Variants in CHRM5 observed in about 807,000 individuals in gnomAD.
CHRM5 encodes cholinergic receptor muscarinic 5, also known as muscarinic acetylcholine receptor M5.
A neutral mutation model predicts 39.0 loss-of-function variants in CHRM5; 18 were observed. The ratio of observed to expected loss-of-function variants is 0.46; its 90% CI spans 0.32 to 0.68. CHRM5 has a LOEUF of 0.68. CHRM5 is among the 30% of genes least tolerant of loss of function. CHRM5 has a pLI of 0.04. For synonymous variants in CHRM5, 241 were observed against 246.3 expected, an observed-to-expected ratio of 0.98 and a Z score of 0.20; for missense variants, 515 against 651.1, an observed-to-expected ratio of 0.79 and a Z score of 2.28.
intron 1 of CHRM5, among the ~76,000 whole-genome samples, chr15:33,983,876 G>C (rs1180102986): frequency 6.6e-6 from 1 of 151,548 alleles, no homozygotes; most frequent in African/African-American, 2.4e-5. Context: ...CAACAAGAAA[G>C]GTACATCATC....
chr15:33,979,953 G>A (rs954738242), intron 1 of CHRM5, among the ~76,000 whole-genome samples: 11 of 152,190 alleles, frequency 7.2e-5, no homozygotes, highest in African/African-American at 2.7e-4. Context: ...TTCTAGCTAT[G>A]AATTTGTTAA....
intron 1 of CHRM5, among the ~76,000 whole-genome samples, chr15:33,974,468 C>T (rs1895785009): frequency 6.6e-6 from 1 of 152,132 alleles, no homozygotes; most frequent in Non-Finnish European, 1.5e-5. Context: ...AAAGCAGGGA[C>T]AAAGGCTAAA....
chr15:34,027,528 C>CAAAAAAAAA, intron 1 of CHRM5, among the ~76,000 whole-genome samples: 1 of 132,584 alleles, frequency 7.5e-6, no homozygotes, highest in Non-Finnish European at 1.6e-5. Flanking sequence ...GACTCTGTCT[C>CAAAAAAAAA]AAAAAAAAAA....
chr15:34,034,303 T>A (rs1899010459), intron 1 of CHRM5, among the ~76,000 whole-genome samples: 4 of 152,054 alleles, frequency 2.6e-5, no homozygotes, highest in Admixed American at 2.6e-4. Flanking sequence ...TAGTTGGGTA[T>A]GGTGGTTCAC....
intron 1 of CHRM5, among the ~76,000 whole-genome samples, chr15:34,002,519 TGG>T (rs1289671811): frequency 9.2e-6 from 1 of 108,166 alleles, no homozygotes; most frequent in South Asian, 3.0e-4. Flanking sequence ...ACGGAAAGGC[TGG>T]GTTTTTCACT....
chr15:34,015,060 G>GGGAAAAC (rs1413832784), intron 1 of CHRM5, among the ~76,000 whole-genome samples: 59 of 152,244 alleles, frequency 3.9e-4, no homozygotes, highest in African/African-American at 1.2e-3. Context: ...CCTTAACAGT[G>GGGAAAAC]TGTCTCCCTT....
At chr15:33,989,501 T>C (rs7183165) in intron 1 of CHRM5, among the ~76,000 whole-genome samples, 6 of 151,136 alleles carry the variant, frequency 4.0e-5, no homozygotes, top group Non-Finnish European at 7.4e-5. Context: ...TAAGATCCCC[T>C]GACGCCCACC....
intron 1 of CHRM5, among the ~76,000 whole-genome samples, chr15:33,992,338 C>T (rs934422703): frequency 6.6e-6 from 1 of 151,350 alleles, no homozygotes; most frequent in African/African-American, 2.4e-5. Flanking sequence ...TGCAGTGAGC[C>T]GAGATTGCGC....
intron 1 of CHRM5, among the ~76,000 whole-genome samples, chr15:34,044,935 C>G (rs922999198): frequency 1.5e-4 from 23 of 152,168 alleles, no homozygotes; most frequent in Middle Eastern, 3.2e-3. Flanking sequence ...GTAGTCCCAG[C>G]TACTCAGGAG....
intron 1 of CHRM5, among the ~76,000 whole-genome samples, chr15:33,983,570 CT>C (rs1403080597): frequency 6.6e-6 from 1 of 152,044 alleles, no homozygotes; most frequent in African/African-American, 2.4e-5. Context: ...TTCCCCTGAA[CT>C]TTTAAGGAAA....
At chr15:34,029,517 C>CAAAAA (rs66519745) in intron 1 of CHRM5, among the ~76,000 whole-genome samples, 17 of 118,682 alleles carry the variant, frequency 1.4e-4, no homozygotes, top group African/African-American at 2.0e-4. Context: ...CCTATTTCTA[C>CAAAAA]AAAAAAAAAA....
In CHRM5 at chr15:34,033,299, A is replaced by C. The variant is rs1898948966; in HGVS notation, c.-407-13241A>C. Among the ~76,000 whole-genome samples the C allele has an allele frequency of 2.0e-5, 3 of 152,146 alleles. No homozygotes were observed. The South Asian group carries it at 6.2e-4, about 32-fold the overall frequency. On this transcript the variant is annotated intron_variant, in intron 1 of 2. Coordinates refer to ENST00000383263, the MANE Select transcript of CHRM5 (RefSeq NM_012125.4). ...AGCGGGCGGACTGCCTGACCTCAGGAGTTCAAAACCAGCCTGAGCAACACG... is the reference window on the plus strand; with the variant it reads ...AGCGGGCGGACTGCCTGACCTCAGGCGTTCAAAACCAGCCTGAGCAACACG...
chr15:33,991,358 A>G (rs1896715124), intron 1 of CHRM5: 1 of 152,228 alleles, frequency 6.6e-6, no homozygotes, highest in Non-Finnish European at 1.5e-5. Context: ...GCAAGAAGAA[A>G]AATGGAAGTG....
chr15:34,033,007 A>G (rs375290483), intron 1 of CHRM5, among the ~76,000 whole-genome samples: 24 of 152,354 alleles, frequency 1.6e-4, no homozygotes, highest in Middle Eastern at 3.4e-3. Context: ...ACTGAGTGAC[A>G]TTGATATGGC....
chr15:34,026,024 C>T (rs1898452884), intron 1 of CHRM5, among the ~76,000 whole-genome samples: 1 of 152,078 alleles, frequency 6.6e-6, no homozygotes, highest in African/African-American at 2.4e-5. Flanking sequence ...ATCTATGTTT[C>T]TGATAATACA....
Position 34,064,446 on chromosome 15 carries a change from A to G in CHRM5, c.*130A>G. The G allele has an allele frequency of 8.4e-7, 1 of 1,191,010 alleles. No homozygotes were observed. Among genetic ancestry groups the G allele is most frequent in the Non-Finnish European group, 1.2e-6 (1 of 864,598 alleles). The allele number at this position is 1,191,010 out of a possible 1,614,324, so 73.8% of individuals were successfully genotyped here. A position where few individuals can be genotyped will look rare whatever the true frequency, so the allele number is the denominator to read the frequency against. On this transcript the variant is annotated 3_prime_UTR_variant, in exon 3 of 3. Coordinates refer to ENST00000383263, the MANE Select transcript of CHRM5 (RefSeq NM_012125.4). ...TTTGAGTCCTTGAAGATTTTTGTAA[A>G]GGCTCAAGTTTGGTTGCCAAATGGA...
At chr15:33,994,482 G>T (rs541295673) in intron 1 of CHRM5, among the ~76,000 whole-genome samples, 1 of 152,092 alleles carries the variant, frequency 6.6e-6, no homozygotes, top group Admixed American at 6.5e-5. Context: ...AATGTAACAC[G>T]CTTGAATCAT....
At chr15:34,024,018 T>G (rs1449682594) in intron 1 of CHRM5, among the ~76,000 whole-genome samples, 1 of 152,152 alleles carries the variant, frequency 6.6e-6, no homozygotes, top group East Asian at 1.9e-4. Flanking sequence ...AGGAAAAGCA[T>G]AAAACCTGCT....
chr15:34,063,392 G>C lies in CHRM5; in HGVS notation c.675G>C (p.Lys225Asn), dbSNP rs1417984187. The C allele has an allele frequency of 6.2e-7, 1 of 1,613,992 alleles. No individual in the cohort carries two copies. Among genetic ancestry groups the C allele is most frequent in the Non-Finnish European group, 8.5e-7 (1 of 1,180,030 alleles). Residue 225 changes from lysine (K) to asparagine (N), a missense_variant, in exon 3 of 3, where the codon AAG (lysine) becomes AAC (asparagine). Lys to Asn is a moderately conservative substitution (Grantham distance 94). Coordinates refer to ENST00000383263, the MANE Select transcript of CHRM5 (RefSeq NM_012125.4). This position sits in a 1 kb window ranked among gnomAD's most constrained non-coding sequence, Gnocchi z 4.1. ...ACCGGGAAACAGAGAAGCGAACCAA[G>C]GACCTGGCTGACCTCCAGGGTTCTG... is the stretch of plus-strand genomic sequence containing the variant. Reference protein sequence around the residue: ...RIYRETEKRTKDLADLQGSDS... With the variant: ...RIYRETEKRTNDLADLQGSDS...
Sources: gnomAD v4.1 joint callset for allele counts (sites outside exome capture counted in the v4.1 genomes callset) on GRCh38, gnomAD v4.1.1 for gene constraint, Gnocchi (gnomAD v3.1) non-coding constraint, MANE v1.5 for transcripts, NCBI Gene and HGNC (gene_info 2026-07-23, HGNC 2026-07-21) for gene names.